PCNX2: variants seen among roughly 807,000 people sequenced by gnomAD.
PCNX2 encodes the protein pecanex 2, also known as pecanex-like protein 2.
A neutral mutation model predicts 223.8 loss-of-function variants in PCNX2; 168 were observed. The observed-to-expected ratio is 0.75, with a 90% CI of 0.66 to 0.85. PCNX2 has a LOEUF of 0.85. Among genes scored for constraint, PCNX2 ranks in the 40% least tolerant of loss-of-function variants. The pLI is 0.00. For synonymous variants in PCNX2, 1,006 were observed against 1,052.6 expected (o/e 0.96, Z 0.86); for missense variants, 2,507 against 2,675.5 (o/e 0.94, Z 1.39).
intron 23 of PCNX2, among the ~76,000 whole-genome samples, chr1:233,088,810 G>A (rs1186056718): frequency 6.6e-6 from 1 of 152,122 alleles, no homozygotes; most frequent in Non-Finnish European, 1.5e-5. Context: ...ACCTCCCTGC[G>A]GAGCAGTCAG....
intron 1 of PCNX2, among the ~76,000 whole-genome samples, chr1:233,284,754 C>T (rs1279288902): frequency 1.3e-5 from 2 of 152,082 alleles, no homozygotes. Context: ...TTGCACTATC[C>T]TTCCCCTTTG....
intron 21 of PCNX2, among the ~76,000 whole-genome samples, chr1:233,116,282 C>G (rs1571895250): frequency 6.6e-6 from 1 of 152,092 alleles, no homozygotes; most frequent in East Asian, 1.9e-4. Flanking sequence ...AAGATATGAT[C>G]AACTTTTATT....
intron 15 of PCNX2, among the ~76,000 whole-genome samples, chr1:233,186,847 AT>A (rs1304392169): frequency 4.6e-5 from 7 of 152,316 alleles, no homozygotes; most frequent in Middle Eastern, 3.4e-3. Flanking sequence ...GGTCCCACGT[AT>A]CCAAGTCTAT....
At chr1:233,285,675 A>C (rs1263971388) in intron 1 of PCNX2, among the ~76,000 whole-genome samples, 2 of 150,262 alleles carry the variant, frequency 1.3e-5, no homozygotes, top group East Asian at 3.9e-4. Flanking sequence ...ACTCCATCTC[A>C]AAAAAACAAA....
chr1:233,179,301 G>A, intron 15 of PCNX2, 126 bp from the exon 16 acceptor site: 1 of 979,302 alleles, frequency 1.0e-6, no homozygotes. Context: ...GATTATTCCT[G>A]CCCACGGACA....
upstream of PCNX2, chr1:233,295,742 GTGCTCAGAGGCGGC>G (rs1179352782): frequency 2.6e-5 from 9 of 350,958 alleles, no homozygotes; most frequent in Admixed American, 4.9e-5. This position sits in a 1 kb window ranked among gnomAD's most constrained non-coding sequence, Gnocchi z 4.1. Context: ...TTTTCCCATC[GTGCTCAGAGGCGGC>G]TGCTCAGAGG....
At chr1:233,098,300 C>T (rs949417839) in intron 21 of PCNX2, among the ~76,000 whole-genome samples, 2 of 152,224 alleles carry the variant, frequency 1.3e-5, no homozygotes, top group Admixed American at 6.5e-5. Flanking sequence ...AAAGCTTCAT[C>T]TGCAAGTTGG....
chr1:233,239,696 A>T (rs1358585643), intron 8 of PCNX2, among the ~76,000 whole-genome samples: 1 of 152,236 alleles, frequency 6.6e-6, no homozygotes, highest in African/African-American at 2.4e-5. Flanking sequence ...ACTGCCTTTC[A>T]TATATTATGT....
intron 1 of PCNX2, chr1:233,289,270 T>C: frequency 2.1e-6 from 2 of 969,658 alleles, no homozygotes; most frequent in Non-Finnish European, 3.4e-6. Context: ...AAGATTATGA[T>C]AGCTTTCTGA....
intron 25 of PCNX2, among the ~76,000 whole-genome samples, chr1:233,040,486 C>T (rs1315460741): frequency 2.6e-5 from 4 of 152,272 alleles, no homozygotes; most frequent in Non-Finnish European, 4.4e-5. Context: ...ACTGTCCCAC[C>T]CATCCAAATC....
In PCNX2 at chr1:233,046,995, C is replaced by G. The variant is rs79011692; in HGVS notation, c.4351+7273G>C. Among the ~76,000 whole-genome samples the G allele has an allele frequency of 1.8e-3, 280 of 152,262 alleles. 1 individual carries two copies. Among genetic ancestry groups the G allele is most frequent in the Non-Finnish European group, 3.3e-3 (224 of 68,026 alleles). On this transcript the variant is annotated intron_variant, in intron 25 of 33. Coordinates refer to ENST00000258229, the MANE Select transcript of PCNX2 (RefSeq NM_014801.4). ...AATCCTTGAAGTGTTCAGATTTCCCCTTTTCAAACCCGAACACCACCTGGC... is the reference window on the plus strand; with the variant it reads ...AATCCTTGAAGTGTTCAGATTTCCCGTTTTCAAACCCGAACACCACCTGGC...
intron 23 of PCNX2, among the ~76,000 whole-genome samples, chr1:233,079,367 T>C (rs1458195284): frequency 6.6e-6 from 1 of 151,596 alleles, no homozygotes; most frequent in African/African-American, 2.4e-5. Flanking sequence ...CTACTAAAAA[T>C]ACAAAACATT....
intron 23 of PCNX2, among the ~76,000 whole-genome samples, chr1:233,079,246 C>T (rs1029020570): frequency 2.0e-5 from 3 of 152,016 alleles, no homozygotes; most frequent in East Asian, 3.9e-4. Flanking sequence ...AAAAGGTGGC[C>T]GGGTGTGGTG....
chr1:233,263,224 A>G, intron 1 of PCNX2, 61 bp from the exon 2 acceptor site: 1 of 1,372,086 alleles, frequency 7.3e-7, no homozygotes, highest in South Asian at 1.4e-5. Context: ...TCTGTTTTAA[A>G]TCTGGAAGCA....
At chr1:233,250,637 G>A in intron 8 of PCNX2, 102 bp downstream of exon 8, 1 of 1,428,014 alleles carries the variant, frequency 7.0e-7, no homozygotes, top group Non-Finnish European at 9.2e-7. Flanking sequence ...ACTACAAAGG[G>A]ATTAACACAT....
the PCNX2 span, among the ~76,000 whole-genome samples, chr1:233,318,141 C>T: frequency 6.6e-6 from 1 of 152,108 alleles, no homozygotes; most frequent in Admixed American, 6.5e-5. Context: ...TGGCACGGGG[C>T]CTGATATGGG....
chr1:233,227,447 T>G (rs1344592041), intron 9 of PCNX2, 76 bp from the exon 10 acceptor site: 1 of 1,337,936 alleles, frequency 7.5e-7, no homozygotes, highest in Non-Finnish European at 1.0e-6. Context: ...TATATATATA[T>G]GTATACACAC....
intron 28 of PCNX2, among the ~76,000 whole-genome samples, chr1:233,007,073 A>C (rs1254154643): frequency 6.6e-6 from 1 of 151,804 alleles, no homozygotes; most frequent in Admixed American, 6.6e-5. Context: ...AAACAAAAAC[A>C]ATGATCCAAA....
At chr1:233,309,686 T>C in the PCNX2 span, among the ~76,000 whole-genome samples, 1 of 152,010 alleles carries the variant, frequency 6.6e-6, no homozygotes, top group Non-Finnish European at 1.5e-5. Context: ...AAGACCAGCC[T>C]GGCCAACATG....
Sources: allele counts gnomAD v4.1 joint callset (sites outside exome capture counted in the v4.1 genomes callset), GRCh38; gene constraint gnomAD v4.1.1; non-coding constraint Gnocchi (gnomAD v3.1); transcripts MANE v1.5; gene names NCBI Gene and HGNC (gene_info 2026-07-23, HGNC 2026-07-21).